The following INO80C variants were observed in gnomAD, a reference collection of about 807,000 sequenced individuals.
The protein encoded by INO80C is IES6 homolog.
INO80C carries 17 observed loss-of-function variants against 17.7 expected under a neutral mutation model. That is an observed-to-expected ratio of 0.96 (90% CI 0.66 to 1.44). INO80C has a LOEUF of 1.44. Ranked by LOEUF, INO80C falls within the 40% of genes most tolerant of loss-of-function variation. The pLI, the probability that INO80C is intolerant of heterozygous loss-of-function variation, is 0.00. For missense variants in INO80C, 244 were observed against 245.0 expected, an observed-to-expected ratio of 1.00 and a Z score of 0.03; for synonymous variants, 96 against 95.8, an observed-to-expected ratio of 1.00 and a Z score of -0.01.
intron 2 of INO80C, among the ~76,000 whole-genome samples, chr18:35,479,964 T>C (rs1265189620): frequency 6.6e-6 from 1 of 151,576 alleles, no homozygotes; most frequent in African/African-American, 2.4e-5. Context: ...ACACTGGTAA[T>C]ATTGTATTTC....
At chr18:35,493,886 G>A (rs574664920) in intron 1 of INO80C, among the ~76,000 whole-genome samples, 2 of 152,296 alleles carry the variant, frequency 1.3e-5, no homozygotes, top group East Asian at 3.9e-4. Flanking sequence ...TACTGACGTA[G>A]GGAAATTTAC....
intron 4 of INO80C, among the ~76,000 whole-genome samples, chr18:35,471,060 G>A (rs2045663781): frequency 6.6e-6 from 1 of 152,228 alleles, no homozygotes; most frequent in Non-Finnish European, 1.5e-5. Context: ...ATGTCTTGCT[G>A]CCATGCCTAG....
intron 4 of INO80C, among the ~76,000 whole-genome samples, chr18:35,473,978 A>G (rs2144031685): frequency 6.6e-6 from 1 of 151,990 alleles, no homozygotes; most frequent in Middle Eastern, 3.4e-3. Flanking sequence ...GAGTTTTTAC[A>G]ATATATCATC....
intron 4 of INO80C, among the ~76,000 whole-genome samples, chr18:35,474,683 T>A (rs1394180308): frequency 6.6e-6 from 1 of 152,062 alleles, no homozygotes; most frequent in Non-Finnish European, 1.5e-5. Context: ...CAAGACTCTA[T>A]CTCTAAATAA....
chr18:35,469,467 G>A (rs1308362775), intron 4 of INO80C, among the ~76,000 whole-genome samples: 2 of 152,018 alleles, frequency 1.3e-5, no homozygotes, highest in African/African-American at 2.4e-5. Context: ...ACTGTCCCCG[G>A]CCTCTAAGTT....
At chr18:35,495,014 G>A (rs1321889696) in intron 1 of INO80C, among the ~76,000 whole-genome samples, 1 of 152,226 alleles carries the variant, frequency 6.6e-6, no homozygotes, top group Non-Finnish European at 1.5e-5. Flanking sequence ...TTGGGCAAGT[G>A]ACACAGATGA....
intron 4 of INO80C, 134 bp downstream of exon 4, chr18:35,478,148 C>A (rs752190082): frequency 1.5e-6 from 1 of 682,276 alleles, no homozygotes; most frequent in Non-Finnish European, 2.5e-6. Flanking sequence ...GAACACACTG[C>A]ACAAACCTAT....
chr18:35,474,205 G>GTATA (rs1182452867), intron 4 of INO80C, among the ~76,000 whole-genome samples: 62 of 27,204 alleles, frequency 2.3e-3, no homozygotes, highest in African/African-American at 5.0e-3. Context: ...GTGTGTGTGT[G>GTATA]TCTATATATA....
In INO80C at chr18:35,497,820, TC is replaced by T. The variant is rs1471390000; in HGVS notation, c.54del (p.Asn19ThrfsTer41). On this transcript the variant is annotated frameshift_variant, in exon 1 of 5. Coordinates refer to ENST00000334598, the MANE Select transcript of INO80C (RefSeq NM_194281.4). LOFTEE classifies it high-confidence loss of function. ...VATTSTPGIV[R>X]NSKKRPASPS... Reference sequence around the variant, plus strand: ...GGGCTGGCCGGCCTCTTCTTGCTGTTCCGGACTATTCCGGGAGTGGAAGTGG... The same window carrying T: ...GGGCTGGCCGGCCTCTTCTTGCTGTTCGGACTATTCCGGGAGTGGAAGTGG... 1.9e-6 allele frequency: 3 copies of T among 1,610,470 alleles called. No individual in the cohort carries two copies. Among genetic ancestry groups the T allele is most frequent in the Non-Finnish European group, 8.5e-7 (1 of 1,178,122 alleles).
At chr18:35,497,638 C>G in intron 1 of INO80C, 81 bp downstream of exon 1, 1 of 1,515,846 alleles carries the variant, frequency 6.6e-7, no homozygotes, top group Non-Finnish European at 8.8e-7. Flanking sequence ...CCCCACATTA[C>G]GCACGCGCCC....
chr18:35,480,385 G>A, intron 2 of INO80C, 68 bp downstream of exon 2: 1 of 1,090,444 alleles, frequency 9.2e-7, no homozygotes, highest in Non-Finnish European at 1.4e-6. Flanking sequence ...CTGGCTACAG[G>A]CCCAGCAAGA....
chr18:35,476,968 G>A (rs1045504620), intron 4 of INO80C, among the ~76,000 whole-genome samples: 3 of 152,218 alleles, frequency 2.0e-5, no homozygotes, highest in Non-Finnish European at 4.4e-5. Flanking sequence ...GATAGGCCAG[G>A]TATGGTGGCT....
At chr18:35,470,978 G>C (rs143936105) in intron 4 of INO80C, among the ~76,000 whole-genome samples, 6 of 152,188 alleles carry the variant, frequency 3.9e-5, no homozygotes, top group African/African-American at 1.4e-4. Flanking sequence ...CAGTATTCAC[G>C]GCTTGCCCGT....
intron 1 of INO80C, among the ~76,000 whole-genome samples, chr18:35,492,375 A>C (rs1357084097): frequency 6.6e-6 from 1 of 152,216 alleles, no homozygotes; most frequent in African/African-American, 2.4e-5. Flanking sequence ...AATTGAGAAG[A>C]CTATCAACAC....
At chr18:35,481,033 T>G (rs930573511) in intron 1 of INO80C, among the ~76,000 whole-genome samples, 3 of 152,200 alleles carry the variant, frequency 2.0e-5, no homozygotes, top group African/African-American at 7.2e-5. Context: ...TCCACTGATC[T>G]TATGAACTCT....
chr18:35,493,351 C>A (rs1279298380), intron 1 of INO80C, among the ~76,000 whole-genome samples: 1 of 152,194 alleles, frequency 6.6e-6, no homozygotes, highest in African/African-American at 2.4e-5. Flanking sequence ...TGGAAGACTG[C>A]ACTTTCATAA....
chr18:35,470,527 C>T (rs1034962052), intron 4 of INO80C, among the ~76,000 whole-genome samples: 1 of 152,136 alleles, frequency 6.6e-6, no homozygotes. Flanking sequence ...CCTGCAGTTC[C>T]GAGCAGAGTG....
chr18:35,476,103 C>G (rs570956668), intron 4 of INO80C, among the ~76,000 whole-genome samples: 2 of 152,064 alleles, frequency 1.3e-5, no homozygotes, highest in Non-Finnish European at 2.9e-5. Flanking sequence ...TGAAAGTAAC[C>G]ATTCATAATT....
At chr18:35,490,550 C>T (rs970137646) in intron 1 of INO80C, among the ~76,000 whole-genome samples, 1 of 152,022 alleles carries the variant, frequency 6.6e-6, no homozygotes, top group Non-Finnish European at 1.5e-5. Flanking sequence ...ATACTGTTGC[C>T]ATCAGGGAGG....
Sources: allele counts gnomAD v4.1 joint callset (sites outside exome capture counted in the v4.1 genomes callset), GRCh38; gene constraint gnomAD v4.1.1; transcripts MANE v1.5; gene names NCBI Gene and HGNC (gene_info 2026-07-23, HGNC 2026-07-21).